The following CSNK1G1 variants were observed in gnomAD, a reference collection of about 807,000 sequenced individuals.
CSNK1G1 encodes the protein casein kinase 1 gamma 1.
CSNK1G1 carries 22 observed loss-of-function variants against 59.6 expected under a neutral mutation model. The observed-to-expected ratio is 0.37, with a 90% CI of 0.26 to 0.53. The LOEUF is 0.53. CSNK1G1 is among the 20% of genes least tolerant of loss of function. CSNK1G1 has a pLI of 0.89. For missense variants in CSNK1G1, 384 were observed against 519.5 expected (o/e 0.74, Z 2.54); for synonymous variants, 179 against 177.1 (o/e 1.01, Z -0.08).
chr15:64,345,800 T>C (rs955985698), intron 1 of CSNK1G1, among the ~76,000 whole-genome samples: 2 of 152,094 alleles, frequency 1.3e-5, no homozygotes, highest in Non-Finnish European at 2.9e-5. Flanking sequence ...AAAAAAAACT[T>C]ATTTTTTTTT....
intron 2 of CSNK1G1, among the ~76,000 whole-genome samples, chr15:64,295,021 G>T (rs1339705876): frequency 6.6e-6 from 1 of 151,952 alleles, no homozygotes; most frequent in Non-Finnish European, 1.5e-5. Flanking sequence ...CACAAGGTCA[G>T]GAGATCAAGA....
At position 64,311,677 on chromosome 15, in the gene CSNK1G1, GAAAAAA is replaced by G. The variant is rs11371950; in HGVS notation, c.-224-10960_-224-10955del. On this transcript the variant is annotated intron_variant, in intron 1 of 11. Coordinates refer to ENST00000303052, the MANE Select transcript of CSNK1G1 (RefSeq NM_022048.5). ...AGAGCCAGTCTTTTTTAAAAAAAGT[GAAAAAA>G]AAAAAAAAAAAAAAAGCCACGGGGT... Among the ~76,000 whole-genome samples, 13 of 108,144 alleles carry G rather than the reference GAAAAAA, an allele frequency of 1.2e-4. No individual in the cohort carries two copies. In the East Asian group the frequency reaches 1.7e-3, roughly 14 times the overall value. The allele number at this position is 108,144 out of a possible 152,430, so 70.9% of individuals were successfully genotyped here. A position where few individuals can be genotyped will look rare whatever the true frequency, so the allele number is the denominator to read the frequency against.
intron 2 of CSNK1G1, among the ~76,000 whole-genome samples, chr15:64,264,193 G>A (rs1267186922): frequency 2.0e-5 from 3 of 151,966 alleles, no homozygotes; most frequent in Admixed American, 2.0e-4. Flanking sequence ...TGCTGTGAAC[G>A]AAGGGGAAAA....
intron 1 of CSNK1G1, among the ~76,000 whole-genome samples, chr15:64,343,264 T>C (rs1050151800): frequency 1.0e-5 from 1 of 97,708 alleles, no homozygotes; most frequent in Non-Finnish European, 2.4e-5. Flanking sequence ...CCATTCTGCC[T>C]CTGTAGGCTT....
intron 4 of CSNK1G1, among the ~76,000 whole-genome samples, chr15:64,234,300 A>G (rs1001552783): frequency 1.3e-5 from 2 of 152,124 alleles, no homozygotes; most frequent in Non-Finnish European, 2.9e-5. Flanking sequence ...AAAATAAAAT[A>G]TAAAATAAAA....
At chr15:64,215,188 T>A (rs1260399881) in intron 5 of CSNK1G1, among the ~76,000 whole-genome samples, 1 of 149,006 alleles carries the variant, frequency 6.7e-6, no homozygotes, top group African/African-American at 2.5e-5. Context: ...TTCTATCTAC[T>A]AAGCTTTTCT....
chr15:64,276,559 TG>T (rs1279294811), intron 2 of CSNK1G1, among the ~76,000 whole-genome samples: 3 of 151,866 alleles, frequency 2.0e-5, no homozygotes, highest in Non-Finnish European at 4.4e-5. Flanking sequence ...AAAGGTCAAA[TG>T]GGAACCCATG....
rs188735880 is a variant in CSNK1G1, at chr15:64,274,529, T to A, written c.182-15288A>T. Among the ~76,000 whole-genome samples the A allele has an allele frequency of 1.7e-4, 26 of 152,324 alleles. No homozygotes were observed. In the East Asian group the frequency reaches 4.6e-3, roughly 27 times the overall value. ...AAGCACTGAAAGCTTTTAGTATCTG[T>A]TGCACAAAATCCACAACGCTTCCCA... is the stretch of plus-strand genomic sequence containing the variant. On this transcript the variant is annotated intron_variant, in intron 2 of 11. Coordinates refer to ENST00000303052, the MANE Select transcript of CSNK1G1 (RefSeq NM_022048.5).
chr15:64,191,417 T>C (rs1424615595), intron 10 of CSNK1G1, among the ~76,000 whole-genome samples: 1 of 152,164 alleles, frequency 6.6e-6, no homozygotes, highest in Non-Finnish European at 1.5e-5. Context: ...TGTTCATGTA[T>C]ACTCATGGGC....
intron 2 of CSNK1G1, among the ~76,000 whole-genome samples, chr15:64,297,775 G>C (rs986534466): frequency 9.9e-5 from 15 of 152,080 alleles, no homozygotes; most frequent in Non-Finnish European, 1.3e-4. Flanking sequence ...AATTAGTTTA[G>C]AGAAGCAGAG....
chr15:64,224,830 G>A (rs1734705104), intron 4 of CSNK1G1, among the ~76,000 whole-genome samples: 1 of 152,016 alleles, frequency 6.6e-6, no homozygotes, highest in African/African-American at 2.4e-5. Flanking sequence ...TCACATTTCC[G>A]AGCCACAGAC....
intron 1 of CSNK1G1, among the ~76,000 whole-genome samples, chr15:64,314,190 C>T (rs1286470801): frequency 6.6e-6 from 1 of 152,144 alleles, no homozygotes; most frequent in Non-Finnish European, 1.5e-5. Flanking sequence ...GATCACAGTG[C>T]AATGCAGCCT....
chr15:64,208,451 G>C (rs761094538), intron 6 of CSNK1G1, among the ~76,000 whole-genome samples: 2 of 152,176 alleles, frequency 1.3e-5, no homozygotes, highest in Non-Finnish European at 2.9e-5. Context: ...CTGCAAAATA[G>C]TTAACAAAAA....
At chr15:64,276,802 C>T (rs1893644554) in intron 2 of CSNK1G1, among the ~76,000 whole-genome samples, 1 of 151,884 alleles carries the variant, frequency 6.6e-6, no homozygotes, top group Non-Finnish European at 1.5e-5. Flanking sequence ...AAAAAATTAG[C>T]TGGTGGTAGT....
chr15:64,237,028 A>T (rs960260166), intron 4 of CSNK1G1, among the ~76,000 whole-genome samples: 4 of 152,200 alleles, frequency 2.6e-5, no homozygotes, highest in African/African-American at 9.6e-5. Context: ...CCAGGCACAG[A>T]AAGACAAATA....
chr15:64,299,667 TA>T (rs2140401499), intron 2 of CSNK1G1, among the ~76,000 whole-genome samples: 1 of 152,204 alleles, frequency 6.6e-6, no homozygotes, highest in African/African-American at 2.4e-5. Context: ...TTAGACAGAT[TA>T]ATTTTGTCAT....
intron 11 of CSNK1G1, chr15:64,180,043 A>T: frequency 3.4e-6 from 1 of 297,482 alleles, no homozygotes; most frequent in Non-Finnish European, 6.5e-6. Context: ...CATATAGAGC[A>T]AGAAGCTCCA....
chr15:64,286,372 A>AATATTGTTAACAATATATTGTTAACT (rs1894421559), intron 2 of CSNK1G1, among the ~76,000 whole-genome samples: 13 of 151,558 alleles, frequency 8.6e-5, no homozygotes, highest in South Asian at 4.2e-4. Flanking sequence ...TATTGTTAAC[A>AATATTGTTAACAATATATTGTTAACT]ATATTGTTAA....
chr15:64,297,878 C>A (rs1008925968), intron 2 of CSNK1G1, among the ~76,000 whole-genome samples: 1 of 152,094 alleles, frequency 6.6e-6, no homozygotes, highest in African/African-American at 2.4e-5. Context: ...AATATTAGAA[C>A]AAGAAAATGA....
Sources: allele counts gnomAD v4.1 joint callset (sites outside exome capture counted in the v4.1 genomes callset), GRCh38; gene constraint gnomAD v4.1.1; transcripts MANE v1.5; gene names NCBI Gene and HGNC (gene_info 2026-07-23, HGNC 2026-07-21).